Variants in RPRM observed in about 807,000 individuals in gnomAD.
RPRM encodes protein reprimo.
RPRM carries 3 observed loss-of-function variants against 5.2 expected under a neutral mutation model. The ratio of observed to expected loss-of-function variants is 0.58; its 90% confidence interval spans 0.26 to 1.50. The LOEUF (loss-of-function observed/expected upper bound fraction) is 1.50, where lower values mean the gene tolerates loss of function less well. Ranked by LOEUF, RPRM falls within the 40% of genes most tolerant of loss-of-function variation. The pLI is 0.13. For synonymous variants in RPRM, 70 were observed against 69.9 expected (o/e 1.00, Z -0.01); for missense variants, 135 against 154.5 (o/e 0.87, Z 0.67).
Position 153,478,027 on chromosome 2 carries a change from C to G in RPRM, c.*209G>C. On this transcript the variant is annotated 3_prime_UTR_variant, in exon 1 of 1. Coordinates refer to ENST00000325926, the MANE Select transcript of RPRM (RefSeq NM_019845.3). ...TCTTCTTGCCACTTTCTGCTGAGTT[C>G]AGAGTCTGGGCGCTCTCCTCCGACT... The G allele has an allele frequency of 1.0e-5, 6 of 583,310 alleles. No homozygotes were observed. The highest frequency in any genetic ancestry group is 1.5e-5 in the Non-Finnish European group (5 of 328,388). The allele number at this position is 583,310 out of a possible 1,614,324, so 36.1% of individuals were successfully genotyped here.
rs1684196881 is a variant in RPRM, at chr2:153,478,665, T to A, written c.-100A>T. On this transcript the variant is annotated 5_prime_UTR_variant, in exon 1 of 1. Coordinates refer to ENST00000325926, the MANE Select transcript of RPRM (RefSeq NM_019845.3). ...CCGGGCTGAGCGCTCACTCGCAGAC[T>A]AGCGCGTGCGAGGGCTCCTCGCTCT... is the stretch of plus-strand genomic sequence containing the variant. The A allele has an allele frequency of 1.3e-5, 13 of 992,794 alleles. No individual in the cohort carries two copies. Among genetic ancestry groups the A allele is most frequent in the Non-Finnish European group, 1.9e-5 (13 of 683,976 alleles). 61.5% of individuals were successfully genotyped at this position (992,794 alleles called of 1,614,324 possible). A position where few individuals can be genotyped will look rare whatever the true frequency, so the allele number is the denominator to read the frequency against.
Position 153,478,328 on chromosome 2 carries a change from G to C in RPRM, c.238C>G (p.Leu80Val). The change falls in exon 1 of 1, where the codon CTG (leucine) becomes GTG (valine). Residue 80 changes from leucine to valine, a missense_variant. By Grantham distance (32) the Leu-to-Val change is conservative. Transcript: ENST00000325926. ...ATCATGCCCTCGGACTTGATGAGCA[G>C]ATTGCAGCCGAGGAAGAAGATGCCG... ...VFGIFFLGCNLLIKSEGMINF... is the reference protein window; with the variant it reads ...VFGIFFLGCNVLIKSEGMINF... The C allele has an allele frequency of 6.2e-7, 1 of 1,614,164 alleles. No individual in the cohort carries two copies. The highest frequency in any genetic ancestry group is 8.5e-7 in the Non-Finnish European group (1 of 1,180,012).
Position 153,478,060 on chromosome 2 carries a change from A to T in RPRM, c.*176T>A. ...GGGCGCTCTCCTCCGACTGCCAGGCATGAGGACTTTCAGAGGGCGAGGGAG... is the reference window on the plus strand; with the variant it reads ...GGGCGCTCTCCTCCGACTGCCAGGCTTGAGGACTTTCAGAGGGCGAGGGAG... On this transcript the variant is annotated 3_prime_UTR_variant, in exon 1 of 1. Transcript: ENST00000325926. The T allele has an allele frequency of 1.6e-6, 1 of 610,380 alleles. No homozygotes were observed. Among genetic ancestry groups the T allele is most frequent in the South Asian group, 2.0e-5 (1 of 49,130 alleles). The allele number at this position is 610,380 out of a possible 1,614,324, so 37.8% of individuals were successfully genotyped here.
Position 153,478,337 on chromosome 2 carries a change from C to T in RPRM, c.229G>A (p.Gly77Ser). Residue 77 changes from glycine to serine, a missense_variant, in exon 1 of 1, where the codon GGC becomes AGC. Physicochemically the swap from Gly to Ser is moderately conservative, Grantham distance 56. Coordinates refer to ENST00000325926, the MANE Select transcript of RPRM (RefSeq NM_019845.3). ...LTVVFGIFFL[G>S]CNLLIKSEGM... The stretch of plus-strand genomic sequence containing the variant: ...TCGGACTTGATGAGCAGATTGCAGC[C>T]GAGGAAGAAGATGCCGAAGACCACG... 1 of 1,614,128 alleles carries T rather than the reference C, an allele frequency of 6.2e-7. No individual in the cohort carries two copies. The highest frequency in any genetic ancestry group is 1.1e-5 in the South Asian group (1 of 91,084).
rs1203492698 is a variant in RPRM at position 153,477,945 on chromosome 2, G to A, written c.*291C>T. On this transcript the variant is annotated 3_prime_UTR_variant, in exon 1 of 1. Transcript: ENST00000325926. Reference sequence around the variant, plus strand: ...GGTGGAGAAGGGCCTTCGCACCGTCGGTCTCCCCGCATTCCAAGTAAGTAG... The same window carrying A: ...GGTGGAGAAGGGCCTTCGCACCGTCAGTCTCCCCGCATTCCAAGTAAGTAG... The A allele has an allele frequency of 2.3e-6, 1 of 436,174 alleles. No homozygotes were observed. The highest frequency in any genetic ancestry group is 4.1e-6 in the Non-Finnish European group (1 of 242,446). 27.0% of individuals were successfully genotyped at this position (436,174 alleles called of 1,614,324 possible). A position where few individuals can be genotyped will look rare whatever the true frequency, so the allele number is the denominator to read the frequency against.
rs565912474 is a variant in RPRM at position 153,478,131 on chromosome 2, T to C, written c.*105A>G. The stretch of plus-strand genomic sequence containing the variant: ...AAAGGCCGAAGTCGAGAGAAATAAT[T>C]GACTCCGACAGGTTTGCTTCGCCCA... On this transcript the variant is annotated 3_prime_UTR_variant, in exon 1 of 1. Coordinates refer to ENST00000325926, the MANE Select transcript of RPRM (RefSeq NM_019845.3). 6.8e-6 allele frequency: 6 copies of C among 879,580 alleles called. No homozygotes were observed. In the African/African-American group the frequency reaches 1.0e-4, roughly 15 times the overall value. 54.5% of individuals were successfully genotyped at this position (879,580 alleles called of 1,614,324 possible).
chr2:153,478,579 G>A lies in RPRM; in HGVS notation c.-14C>T, dbSNP rs1452233002. 1 of 1,541,378 alleles carries A rather than the reference G, an allele frequency of 6.5e-7. No homozygotes were observed. The highest frequency in any genetic ancestry group is 8.7e-7 in the Non-Finnish European group (1 of 1,145,940). ...GGCCGGATTCATCGCAGGAACGGGC[G>A]GGCGCCGCGAGCGGCGCGGGTCCGA... On this transcript the variant is annotated 5_prime_UTR_variant, in exon 1 of 1. Transcript: ENST00000325926.
Position 153,477,777 on chromosome 2 carries a change from A to G in RPRM, c.*459T>C. On this transcript the variant is annotated 3_prime_UTR_variant, in exon 1 of 1. Coordinates refer to ENST00000325926, the MANE Select transcript of RPRM (RefSeq NM_019845.3). ...GGGAGCAGGAGAAGAGTGGGAGCGC[A>G]CCCGGACACGGATTTGTGAGACCCC... 6.3e-6 allele frequency: 1 copy of G among 159,884 alleles called. No individual in the cohort carries two copies. Among genetic ancestry groups the G allele is most frequent in the Non-Finnish European group, 1.4e-5 (1 of 73,666 alleles). The allele number at this position is 159,884 out of a possible 1,614,324, so 9.9% of individuals were successfully genotyped here.
At position 153,478,574 on chromosome 2, in the gene RPRM, C is replaced by G; in HGVS notation, c.-9G>C. The G allele has an allele frequency of 6.6e-7, 1 of 1,519,618 alleles. No homozygotes were observed. The highest frequency in any genetic ancestry group is 8.8e-7 in the Non-Finnish European group (1 of 1,132,564). The allele number at this position is 1,519,618 out of a possible 1,614,324, so 94.1% of individuals were successfully genotyped here. On this transcript the variant is annotated 5_prime_UTR_variant, in exon 1 of 1. Coordinates refer to ENST00000325926, the MANE Select transcript of RPRM (RefSeq NM_019845.3). ...CCTAGGGCCGGATTCATCGCAGGAACGGGCGGGCGCCGCGAGCGGCGCGGG... is the reference window on the plus strand; with the variant it reads ...CCTAGGGCCGGATTCATCGCAGGAAGGGGCGGGCGCCGCGAGCGGCGCGGG...
rs764693651 is a variant in RPRM, at chr2:153,478,323, G to A, written c.243C>T (p.Leu81=). The A allele has an allele frequency of 1.2e-6, 2 of 1,614,158 alleles. No individual in the cohort carries two copies. Among genetic ancestry groups the A allele is most frequent in the Non-Finnish European group, 1.7e-6 (2 of 1,180,012 alleles). The change falls in exon 1 of 1, where the codon CTC becomes CTT. Residue 81 remains leucine (L), a synonymous_variant. Transcript: ENST00000325926. ...FGIFFLGCNL[L]IKSEGMINFL... ...AGTTGATCATGCCCTCGGACTTGAT[G>A]AGCAGATTGCAGCCGAGGAAGAAGA...
Position 153,478,120 on chromosome 2 carries a change from A to G in RPRM, c.*116T>C, listed in dbSNP as rs528950075. On this transcript the variant is annotated 3_prime_UTR_variant, in exon 1 of 1. Coordinates refer to ENST00000325926, the MANE Select transcript of RPRM (RefSeq NM_019845.3). ...GCTTCTTTCCGAAAGGCCGAAGTCG[A>G]GAGAAATAATTGACTCCGACAGGTT... The G allele has an allele frequency of 3.0e-5, 23 of 778,586 alleles. No individual in the cohort carries two copies. The highest frequency in any genetic ancestry group is 3.0e-5 in the Non-Finnish European group (15 of 496,504). 48.2% of individuals were successfully genotyped at this position (778,586 alleles called of 1,614,324 possible). A position where few individuals can be genotyped will look rare whatever the true frequency, so the allele number is the denominator to read the frequency against.
chr2:153,478,171 G>A lies in RPRM; in HGVS notation c.*65C>T, dbSNP rs1179360587. On this transcript the variant is annotated 3_prime_UTR_variant, in exon 1 of 1. Transcript: ENST00000325926. ...TGCTTCGCCCAGTCTCTGATAGTGAGGGGCACAGCCGGGCTAGCAAAGTGG... is the reference window on the plus strand; with the variant it reads ...TGCTTCGCCCAGTCTCTGATAGTGAAGGGCACAGCCGGGCTAGCAAAGTGG... 7.6e-7 allele frequency: 1 copy of A among 1,323,928 alleles called. No homozygotes were observed. The highest frequency in any genetic ancestry group is 2.4e-5 in the East Asian group (1 of 41,646). The allele number at this position is 1,323,928 out of a possible 1,614,324, so 82.0% of individuals were successfully genotyped here.
At position 153,478,270 on chromosome 2, in the gene RPRM, T is replaced by G. The variant is rs777615556; in HGVS notation, c.296A>C (p.Lys99Thr). 6.2e-6 allele frequency: 10 copies of G among 1,613,906 alleles called. No individual in the cohort carries two copies. Among genetic ancestry groups the G allele is most frequent in the Non-Finnish European group, 8.5e-6 (10 of 1,179,952 alleles). The change falls in exon 1 of 1, where the codon AAG becomes ACG. Residue 99 changes from lysine to threonine, a missense_variant. Lys to Thr is a moderately conservative substitution (Grantham distance 78). Coordinates refer to ENST00000325926, the MANE Select transcript of RPRM (RefSeq NM_019845.3). The part of the protein sequence containing the change: ...NFLVKDRRPS[K>T]EVEAVVVGPY ...CCCCACGACCACCGCCTCCACCTCC[T>G]TAGACGGCCTCCGGTCCTTCACGAG...
At position 153,478,043 on chromosome 2, in the gene RPRM, T is replaced by A; in HGVS notation, c.*193A>T. 1.7e-6 allele frequency: 1 copy of A among 594,440 alleles called. No homozygotes were observed. The highest frequency in any genetic ancestry group is 2.8e-5 in the East Asian group (1 of 35,702). The allele number at this position is 594,440 out of a possible 1,614,324, so 36.8% of individuals were successfully genotyped here. On this transcript the variant is annotated 3_prime_UTR_variant, in exon 1 of 1. Coordinates refer to ENST00000325926, the MANE Select transcript of RPRM (RefSeq NM_019845.3). ...TGCTGAGTTCAGAGTCTGGGCGCTC[T>A]CCTCCGACTGCCAGGCATGAGGACT...
chr2:153,478,706 T>C lies in RPRM; in HGVS notation c.-141A>G. On this transcript the variant is annotated 5_prime_UTR_variant, in exon 1 of 1. Transcript: ENST00000325926. ...TCCTCGCTCTGCTTTCGAAAGTCCCTGGGCCGTGGGAGTTTCCCAGGAGCC... is the reference window on the plus strand; with the variant it reads ...TCCTCGCTCTGCTTTCGAAAGTCCCCGGGCCGTGGGAGTTTCCCAGGAGCC... The C allele has an allele frequency of 1.4e-6, 1 of 705,760 alleles. No homozygotes were observed. Among genetic ancestry groups the C allele is most frequent in the Non-Finnish European group, 2.3e-6 (1 of 427,344 alleles). The allele number at this position is 705,760 out of a possible 1,614,324, so 43.7% of individuals were successfully genotyped here. A position where few individuals can be genotyped will look rare whatever the true frequency, so the allele number is the denominator to read the frequency against.
chr2:153,477,945 G>T lies in RPRM; in HGVS notation c.*291C>A. ...GGTGGAGAAGGGCCTTCGCACCGTC[G>T]GTCTCCCCGCATTCCAAGTAAGTAG... is the stretch of plus-strand genomic sequence containing the variant. On this transcript the variant is annotated 3_prime_UTR_variant, in exon 1 of 1. Transcript: ENST00000325926. The T allele has an allele frequency of 2.3e-6, 1 of 436,292 alleles. No individual in the cohort carries two copies. The highest frequency in any genetic ancestry group is 4.1e-6 in the Non-Finnish European group (1 of 242,438). 27.0% of individuals were successfully genotyped at this position (436,292 alleles called of 1,614,324 possible).
rs1573856756 is a variant in RPRM, at chr2:153,477,938, C to G, written c.*298G>C. ...ACCTGCGGGTGGAGAAGGGCCTTCG[C>G]ACCGTCGGTCTCCCCGCATTCCAAG... On this transcript the variant is annotated 3_prime_UTR_variant, in exon 1 of 1. Transcript: ENST00000325926. 4.7e-6 allele frequency: 2 copies of G among 425,946 alleles called. No individual in the cohort carries two copies. Among genetic ancestry groups the G allele is most frequent in the East Asian group, 8.5e-5 (2 of 23,494 alleles). 26.4% of individuals were successfully genotyped at this position (425,946 alleles called of 1,614,324 possible).
At position 153,478,664 on chromosome 2, in the gene RPRM, C is replaced by T; in HGVS notation, c.-99G>A. ...GCCGGGCTGAGCGCTCACTCGCAGA[C>T]TAGCGCGTGCGAGGGCTCCTCGCTC... On this transcript the variant is annotated 5_prime_UTR_variant, in exon 1 of 1. Coordinates refer to ENST00000325926, the MANE Select transcript of RPRM (RefSeq NM_019845.3). The T allele has an allele frequency of 4.0e-6, 4 of 1,001,352 alleles. No individual in the cohort carries two copies. Among genetic ancestry groups the T allele is most frequent in the Non-Finnish European group, 4.3e-6 (3 of 691,562 alleles). 62.0% of individuals were successfully genotyped at this position (1,001,352 alleles called of 1,614,324 possible).
In RPRM at chr2:153,477,982, GT is replaced by G; in HGVS notation, c.*253del. ...TTCCAAGTAAGTAGCAGCTTCCAAA[GT>G]TCTGCGCCCTAATCGCCCTCTTCTT... is the stretch of plus-strand genomic sequence containing the variant. On this transcript the variant is annotated 3_prime_UTR_variant, in exon 1 of 1. Coordinates refer to ENST00000325926, the MANE Select transcript of RPRM (RefSeq NM_019845.3). 3.8e-6 allele frequency: 2 copies of G among 526,024 alleles called. No homozygotes were observed. Among genetic ancestry groups the G allele is most frequent in the South Asian group, 5.4e-5 (2 of 36,838 alleles). 32.6% of individuals were successfully genotyped at this position (526,024 alleles called of 1,614,324 possible). A position where few individuals can be genotyped will look rare whatever the true frequency, so the allele number is the denominator to read the frequency against.
Sources: allele counts gnomAD v4.1 joint callset, GRCh38; gene constraint gnomAD v4.1.1; transcripts MANE v1.5; gene names NCBI Gene and HGNC (gene_info 2026-07-23, HGNC 2026-07-21).